CTNNA3: variants seen among roughly 807,000 people sequenced by gnomAD.
The protein encoded by CTNNA3 is catenin alpha 3.
Under a neutral mutation model 95.7 loss-of-function variants are expected in CTNNA3, and 76 were observed. The observed-to-expected ratio is 0.79, with a 90% CI of 0.66 to 0.96. CTNNA3 has a LOEUF of 0.96. Ranked by LOEUF, CTNNA3 falls within the 40% of genes least tolerant of loss-of-function variation. CTNNA3 has a pLI of 0.00. For synonymous variants in CTNNA3, 431 were observed against 374.4 expected, an observed-to-expected ratio of 1.15 and a Z score of -1.74; for missense variants, 1,191 against 1,089.8, an observed-to-expected ratio of 1.09 and a Z score of -1.31.
chr10:66,132,164 A>G (rs1305161044), intron 13 of CTNNA3, among the ~76,000 whole-genome samples: 1 of 152,218 alleles, frequency 6.6e-6, no homozygotes, highest in African/African-American at 2.4e-5. Flanking sequence ...ATTTTCTGAC[A>G]AAAGTCTAAT....
At chr10:67,039,889 A>G (rs1255041855) in intron 7 of CTNNA3, among the ~76,000 whole-genome samples, 1 of 152,142 alleles carries the variant, frequency 6.6e-6, no homozygotes, top group African/African-American at 2.4e-5. Flanking sequence ...TATGACCTCA[A>G]TCTGAATTTC....
At chr10:66,767,456 CAA>C (rs5785782) in intron 8 of CTNNA3, among the ~76,000 whole-genome samples, 1 of 140,656 alleles carries the variant, frequency 7.1e-6, no homozygotes, top group Non-Finnish European at 1.5e-5. Flanking sequence ...CTCCCCCCGA[CAA>C]AAAAAAAAAA....
chr10:67,552,912 G>A (rs10823062), intron 3 of CTNNA3, among the ~76,000 whole-genome samples: 60,322 of 151,918 alleles, frequency 0.4, 15,303 homozygotes, highest in African/African-American at 0.69. Flanking sequence ...CATCCAGTCT[G>A]TCATTAATGG....
intron 12 of CTNNA3, among the ~76,000 whole-genome samples, chr10:66,375,668 G>A (rs888348710): frequency 6.6e-6 from 1 of 151,724 alleles, no homozygotes; most frequent in Non-Finnish European, 1.5e-5. Context: ...AAAGGGAATT[G>A]AGAGGGGTTA....
intron 7 of CTNNA3, among the ~76,000 whole-genome samples, chr10:66,957,382 GTATATATATA>G (rs1848847903): frequency 1.0e-4 from 4 of 38,332 alleles, no homozygotes; most frequent in South Asian, 1.4e-3. Flanking sequence ...ATATGTGTGT[GTATATATATA>G]CATATATATA....
At chr10:66,748,513 T>G (rs1838979473) in intron 9 of CTNNA3, among the ~76,000 whole-genome samples, 1 of 152,314 alleles carries the variant, frequency 6.6e-6, no homozygotes, top group African/African-American at 2.4e-5. Flanking sequence ...TAAACAAAAA[T>G]GCTTAAATCA....
intron 6 of CTNNA3, among the ~76,000 whole-genome samples, chr10:67,183,859 A>G (rs930250465): frequency 6.6e-5 from 10 of 152,160 alleles, no homozygotes; most frequent in African/African-American, 2.2e-4. Flanking sequence ...GTCTACCTCT[A>G]AAGAACTGAA....
At chr10:66,220,091 C>G (rs1009304020) in intron 13 of CTNNA3, among the ~76,000 whole-genome samples, 1 of 152,046 alleles carries the variant, frequency 6.6e-6, no homozygotes, top group African/African-American at 2.4e-5. Context: ...CCACTGCACT[C>G]CAGCCTGGGC....
rs576227847 is a variant in CTNNA3, at chr10:66,107,703, G to C, written c.1885-4454C>G. ...CACTAATCCTTTCAGGATCCCTAATGAAACAGGTGGCATTATTACAATTAA... is the reference window on the plus strand; with the variant it reads ...CACTAATCCTTTCAGGATCCCTAATCAAACAGGTGGCATTATTACAATTAA... On this transcript the variant is annotated intron_variant, in intron 13 of 17. Coordinates refer to ENST00000433211, the MANE Select transcript of CTNNA3 (RefSeq NM_013266.4). 1.1e-3 allele frequency among the ~76,000 whole-genome samples: 173 copies of C among 151,908 alleles called. 1 individual carries two copies. The highest frequency in any genetic ancestry group is 3.7e-3 in the African/African-American group (153 of 41,438).
intron 5 of CTNNA3, among the ~76,000 whole-genome samples, chr10:67,415,229 G>A (rs1344846204): frequency 3.9e-5 from 6 of 152,108 alleles, no homozygotes; most frequent in Admixed American, 2.0e-4. Context: ...TTTCACTGAC[G>A]ATATGATTTT....
chr10:66,192,836 A>T (rs2086755038), intron 13 of CTNNA3, among the ~76,000 whole-genome samples: 1 of 152,104 alleles, frequency 6.6e-6, no homozygotes, highest in African/African-American at 2.4e-5. Context: ...TTTACTTAAA[A>T]TTGTTAATCC....
chr10:66,526,951 TC>T (rs1841288604), intron 10 of CTNNA3, among the ~76,000 whole-genome samples: 1 of 152,130 alleles, frequency 6.6e-6, no homozygotes, highest in Non-Finnish European at 1.5e-5. Context: ...TTTGATGAAG[TC>T]CAATTTTTTT....
intron 3 of CTNNA3, among the ~76,000 whole-genome samples, chr10:67,557,702 C>A (rs978496571): frequency 5.9e-5 from 9 of 152,154 alleles, no homozygotes; most frequent in African/African-American, 2.2e-4. Context: ...GGAATTTGTT[C>A]AGGGTTATTG....
chr10:66,848,901 T>C (rs4518984), intron 7 of CTNNA3, among the ~76,000 whole-genome samples: 132,355 of 152,184 alleles, frequency 0.87, 57,969 homozygotes, highest in African/African-American at 0.96. Context: ...TCTTTCATAA[T>C]TGAATCATAT....
chr10:66,644,260 CTCTGTCTGTCTGTCTG>C (rs138947110), intron 9 of CTNNA3, among the ~76,000 whole-genome samples: 5 of 144,416 alleles, frequency 3.5e-5, no homozygotes, highest in Non-Finnish European at 7.5e-5. Flanking sequence ...GACTTGGTCT[CTCTGTCTGTCTGTCTG>C]TCTGTCTGTC....
chr10:66,972,593 T>G, intron 7 of CTNNA3, among the ~76,000 whole-genome samples: 1 of 151,964 alleles, frequency 6.6e-6, no homozygotes, highest in African/African-American at 2.4e-5. Flanking sequence ...CTTCAGTTGA[T>G]AAAAATTTAT....
At chr10:66,628,751 CTGATAGA>C (rs1429393995) in intron 9 of CTNNA3, among the ~76,000 whole-genome samples, 6 of 152,018 alleles carry the variant, frequency 3.9e-5, no homozygotes, top group Admixed American at 3.9e-4. Flanking sequence ...AGCCAAATCA[CTGATAGA>C]TGGAACACTA....
intron 7 of CTNNA3, among the ~76,000 whole-genome samples, chr10:67,169,040 G>T (rs1861901033): frequency 6.6e-6 from 1 of 152,100 alleles, no homozygotes; most frequent in Non-Finnish European, 1.5e-5. Flanking sequence ...ATTCACAATT[G>T]CCACAAAAAG....
intron 7 of CTNNA3, among the ~76,000 whole-genome samples, chr10:67,013,658 A>G (rs1852477850): frequency 6.6e-6 from 1 of 152,208 alleles, no homozygotes; most frequent in African/African-American, 2.4e-5. Flanking sequence ...AATACCATAC[A>G]GTTAAATCTG....
Sources: gnomAD v4.1 joint callset for allele counts (sites outside exome capture counted in the v4.1 genomes callset) on GRCh38, gnomAD v4.1.1 for gene constraint, MANE v1.5 for transcripts, NCBI Gene and HGNC (gene_info 2026-07-23, HGNC 2026-07-21) for gene names.